The following SEL1L variants were observed in gnomAD, a reference collection of about 807,000 sequenced individuals.
The protein encoded by SEL1L is protein sel-1 homolog 1.
A neutral mutation model predicts 109.8 loss-of-function variants in SEL1L; 52 were observed. The observed-to-expected ratio is 0.47, with a 90% CI of 0.38 to 0.60. The LOEUF (loss-of-function observed/expected upper bound fraction) is 0.60, where lower values mean the gene tolerates loss of function less well. SEL1L is among the 20% of genes least tolerant of loss of function. SEL1L has a pLI of 0.00. For synonymous variants in SEL1L, 373 were observed against 339.6 expected (o/e 1.10, Z -1.08); for missense variants, 749 against 962.2 (o/e 0.78, Z 2.93).
intron 4 of SEL1L, among the ~76,000 whole-genome samples, chr14:81,505,635 T>C (rs1457931807): frequency 6.6e-6 from 1 of 152,242 alleles, no homozygotes. Context: ...ATGACATTTA[T>C]ACTAAAGATG....
intron 3 of SEL1L, among the ~76,000 whole-genome samples, chr14:81,510,514 C>CTCTCTCTCTCTCTCTCTCTATATA (rs35474067): frequency 9.6e-6 from 1 of 104,054 alleles, no homozygotes; most frequent in Non-Finnish European, 2.0e-5. Flanking sequence ...CTCTCTCTCT[C>CTCTCTCTCTCTCTCTCTCTATATA]TATATATATA....
At chr14:81,506,754 ACTCTAGTTC>A (rs1291738756) in intron 3 of SEL1L, among the ~76,000 whole-genome samples, 1 of 152,150 alleles carries the variant, frequency 6.6e-6, no homozygotes, top group Non-Finnish European at 1.5e-5. Context: ...TCTTTACCAT[ACTCTAGTTC>A]CCATTGGACT....
chr14:81,496,488 C>G (rs1883754722), intron 10 of SEL1L, among the ~76,000 whole-genome samples: 1 of 152,100 alleles, frequency 6.6e-6, no homozygotes, highest in African/African-American at 2.4e-5. Context: ...GCCTGTAATC[C>G]CAGCCTTTGG....
chr14:81,494,621 C>T (rs1411159447), intron 11 of SEL1L, among the ~76,000 whole-genome samples: 2 of 152,170 alleles, frequency 1.3e-5, no homozygotes, highest in Non-Finnish European at 2.9e-5. Context: ...TATGCACATA[C>T]CGTTCTTTTT....
chr14:81,519,915 G>C (rs925987126), intron 3 of SEL1L, among the ~76,000 whole-genome samples: 1 of 152,162 alleles, frequency 6.6e-6, no homozygotes, highest in African/African-American at 2.4e-5. Flanking sequence ...GCTGAAAAAG[G>C]CTGCTTAGGG....
At chr14:81,484,450 A>G (rs1390487383) in intron 18 of SEL1L, 53 bp from the exon 19 acceptor site, 3 of 1,495,934 alleles carry the variant, frequency 2.0e-6, no homozygotes, top group African/African-American at 2.8e-5. Context: ...TGTTTAAAAC[A>G]GATCAAACTT....
intron 3 of SEL1L, among the ~76,000 whole-genome samples, chr14:81,508,499 C>T (rs1884331877): frequency 1.3e-5 from 2 of 152,030 alleles, no homozygotes; most frequent in Admixed American, 1.3e-4. Flanking sequence ...TAATTCCCAG[C>T]ACTTTGGGAG....
rs903629983 is a variant in SEL1L at position 81,485,797 on chromosome 14, G to C, written c.1799-51C>G. On this transcript the variant is annotated intron_variant, in intron 17 of 20. Transcript: ENST00000336735. ...ATCAGGCATTTAAGAAAAGGCACTA[G>C]ACTTAATTTTCATTTGCAAAGTAGG... The C allele has an allele frequency of 2.0e-6, 3 of 1,498,344 alleles. No homozygotes were observed. The East Asian group carries it at 6.8e-5, about 34-fold the overall frequency. The allele number at this position is 1,498,344 out of a possible 1,614,324, so 92.8% of individuals were successfully genotyped here. A position where few individuals can be genotyped will look rare whatever the true frequency, so the allele number is the denominator to read the frequency against.
At position 81,484,364 on chromosome 14, in the gene SEL1L, T is replaced by C. The variant is rs536471789; in HGVS notation, c.1907A>G (p.Tyr636Cys). ...ATCGGTGCCAAACCCATAGAAATGG[T>C]AGTCTCCGAGCTTAATTCTAGCCAC... ...YTVARIKLGDYHFYGFGTDVD... is the reference protein window; with the variant it reads ...YTVARIKLGDCHFYGFGTDVD... The change falls in exon 19 of 21, where the codon TAC becomes TGC. Residue 636 changes from tyrosine to cysteine, a missense_variant. This residue lies in a region of SEL1L where 383 missense variants were observed against 562.5 expected (regional missense o/e 0.68). Coordinates refer to ENST00000336735, the MANE Select transcript of SEL1L (RefSeq NM_005065.6). 6.2e-7 allele frequency: 1 copy of C among 1,614,042 alleles called. No homozygotes were observed. The highest frequency in any genetic ancestry group is 1.3e-5 in the African/African-American group (1 of 75,066).
chr14:81,479,997 A>C (rs1002977355), intron 19 of SEL1L, among the ~76,000 whole-genome samples: 1 of 151,866 alleles, frequency 6.6e-6, no homozygotes, highest in African/African-American at 2.4e-5. Flanking sequence ...TGCTGCATAC[A>C]GCCATATATC....
rs1903285582 is a variant in SEL1L at position 81,479,693 on chromosome 14, G to A, written c.2094C>T (p.Ser698=). ...KRFYDMAAEA[S]PDAQVPVFLA... is the part of the protein sequence containing the mutation. ...GGAAGACTGGAACTTGTGCATCTGG[G>A]CTGGCTTCAGCTGCCATGTCATAAA... Residue 698 remains serine, a synonymous_variant, in exon 20 of 21, where the codon AGC becomes AGT. Transcript: ENST00000336735. 6.2e-7 allele frequency: 1 copy of A among 1,613,962 alleles called. No homozygotes were observed. Among genetic ancestry groups the A allele is most frequent in the Non-Finnish European group, 8.5e-7 (1 of 1,179,906 alleles).
chr14:81,506,252 A>G lies in SEL1L; in HGVS notation c.341-11T>C, dbSNP rs753595483. On this transcript the variant is annotated splice_polypyrimidine_tract_variant and intron_variant, in intron 3 of 20. Transcript: ENST00000336735. ...CAATGGCGGTCAAAGCTGGAATGAC[A>G]AGAAATAAAAATCTAAACATGAAAC... 2 of 1,568,852 alleles carry G rather than the reference A, an allele frequency of 1.3e-6. No individual in the cohort carries two copies. Among genetic ancestry groups the G allele is most frequent in the African/African-American group, 1.4e-5 (1 of 72,746 alleles).
At chr14:81,506,660 C>G (rs111992918) in intron 3 of SEL1L, among the ~76,000 whole-genome samples, 2,471 of 152,252 alleles carry the variant, frequency 0.016, 62 homozygotes, top group African/African-American at 0.054. Flanking sequence ...AATGCTCCCC[C>G]CAAGGCAAAG....
Position 81,476,659 on chromosome 14 carries a change from CAAGA to C in SEL1L, c.*309_*312del. ...CACTGAAATAATGACCAAAAGGATC[CAAGA>C]AAGATAGCTGGATACAGTAGACATT... On this transcript the variant is annotated 3_prime_UTR_variant, in exon 21 of 21. Transcript: ENST00000336735. 3.6e-6 allele frequency: 1 copy of C among 280,098 alleles called. No individual in the cohort carries two copies. Among genetic ancestry groups the C allele is most frequent in the South Asian group, 8.4e-5 (1 of 11,942 alleles). The allele number at this position is 280,098 out of a possible 1,614,324, so 17.4% of individuals were successfully genotyped here.
At position 81,471,768 on chromosome 14, in the gene SEL1L, C is replaced by A. The variant is rs1480545932; in HGVS notation, c.*5204G>T. 3 of 152,162 alleles carry A rather than the reference C, an allele frequency of 2.0e-5. No homozygotes were observed. Among genetic ancestry groups the A allele is most frequent in the Admixed American group, 2.0e-4 (3 of 15,278 alleles). The allele number at this position is 152,162 out of a possible 1,614,324, so 9.4% of individuals were successfully genotyped here. On this transcript the variant is annotated 3_prime_UTR_variant, in exon 21 of 21. Transcript: ENST00000336735. ...CTCAAAATATAATACTACCAATAAA[C>A]TACTAGCATAGTGAATTTTCAGGAT...
intron 1 of SEL1L, among the ~76,000 whole-genome samples, chr14:81,530,724 A>G (rs1212825106): frequency 6.6e-6 from 1 of 152,194 alleles, no homozygotes; most frequent in Non-Finnish European, 1.5e-5. Context: ...AATGTTTCTA[A>G]TATTAGCCAT....
intron 4 of SEL1L, among the ~76,000 whole-genome samples, 184 bp from the exon 5 acceptor site, chr14:81,504,490 T>C (rs1044680579): frequency 6.6e-6 from 1 of 150,712 alleles, no homozygotes; most frequent in African/African-American, 2.4e-5. Flanking sequence ...AAAAAAAATA[T>C]ATATATATAT....
chr14:81,502,481 T>C (rs550406476), intron 6 of SEL1L, among the ~76,000 whole-genome samples: 3 of 152,348 alleles, frequency 2.0e-5, no homozygotes, highest in East Asian at 3.9e-4. Flanking sequence ...CAGATCTAAT[T>C]TGGAAGAGTA....
At chr14:81,498,086 A>G (rs748090646) in intron 9 of SEL1L, 40 bp from the exon 10 acceptor site, 9 of 1,581,060 alleles carry the variant, frequency 5.7e-6, no homozygotes, top group South Asian at 1.2e-5. Flanking sequence ...GAGGAAAATC[A>G]GAAGAATTGT....
Sources: gnomAD v4.1 joint callset for allele counts (sites outside exome capture counted in the v4.1 genomes callset) on GRCh38, gnomAD v4.1.1 for gene constraint, gnomAD v4.1.1 regional missense constraint, MANE v1.5 for transcripts, NCBI Gene and HGNC (gene_info 2026-07-23, HGNC 2026-07-21) for gene names.